The following GPHN variants were observed in gnomAD, a reference collection of about 807,000 sequenced individuals.
The protein encoded by GPHN is gephyrin.
In GPHN, 17 loss-of-function variants were observed where a neutral mutation model predicts 95.5. That is an observed-to-expected ratio of 0.18 (90% CI 0.12 to 0.27). GPHN has a LOEUF of 0.27. GPHN is among the 10% of genes least tolerant of loss of function. The pLI, the probability that GPHN is intolerant of heterozygous loss-of-function variation, is 1.00. For synonymous variants in GPHN, 320 were observed against 322.5 expected (o/e 0.99, Z 0.08); for missense variants, 660 against 978.1 (o/e 0.67, Z 4.34).
chr14:66,807,327 C>T (rs563747270), intron 3 of GPHN, among the ~76,000 whole-genome samples: 16 of 152,238 alleles, frequency 1.1e-4, no homozygotes, highest in African/African-American at 3.6e-4. Flanking sequence ...CCATATCATC[C>T]TCATAACAAA....
the GPHN span, among the ~76,000 whole-genome samples, chr14:67,420,066 A>C: frequency 6.6e-6 from 1 of 152,220 alleles, no homozygotes; most frequent in African/African-American, 2.4e-5. Flanking sequence ...AGGACCCTGG[A>C]AAATCCCTGA....
At chr14:67,662,444 G>A in the GPHN span, 2 of 1,594,010 alleles carry the variant, frequency 1.3e-6, no homozygotes, top group African/African-American at 1.3e-5. Flanking sequence ...CCAACACCAG[G>A]TAGAAGAAAC....
chr14:66,976,897 A>G (rs1214519490), intron 9 of GPHN, among the ~76,000 whole-genome samples: 1 of 128,964 alleles, frequency 7.8e-6, no homozygotes, highest in Non-Finnish European at 1.6e-5. Flanking sequence ...AAATAAATAC[A>G]TGCAGCACAG....
At chr14:67,029,817 C>T (rs2074103706) in intron 10 of GPHN, among the ~76,000 whole-genome samples, 1 of 152,144 alleles carries the variant, frequency 6.6e-6, no homozygotes, top group Non-Finnish European at 1.5e-5. Context: ...GCATTTAGGA[C>T]TATGATTAGG....
intron 2 of GPHN, among the ~76,000 whole-genome samples, chr14:66,705,399 T>C (rs2068982098): frequency 1.3e-5 from 2 of 152,116 alleles, no homozygotes; most frequent in Admixed American, 6.6e-5. Context: ...TGTTGAACAT[T>C]GATGCAAAAA....
the GPHN span, among the ~76,000 whole-genome samples, chr14:67,404,571 A>G: frequency 6.6e-6 from 1 of 152,172 alleles, no homozygotes; most frequent in Non-Finnish European, 1.5e-5. Context: ...GCACTTTGGG[A>G]TGCTAAGATG....
At chr14:66,898,974 A>G (rs867472919) in intron 5 of GPHN, among the ~76,000 whole-genome samples, 2 of 151,892 alleles carry the variant, frequency 1.3e-5, no homozygotes, top group Admixed American at 6.6e-5. Flanking sequence ...GTTTTCAGTT[A>G]TTGTAAATGG....
chr14:66,726,804 G>GA (rs1286124995), intron 2 of GPHN, among the ~76,000 whole-genome samples: 4 of 152,104 alleles, frequency 2.6e-5, no homozygotes, highest in African/African-American at 9.7e-5. Context: ...TGCCACAGGT[G>GA]AAAAATTGCA....
At chr14:67,525,076 T>C in the GPHN span, among the ~76,000 whole-genome samples, 296 of 152,328 alleles carry the variant, frequency 1.9e-3, 1 homozygote, top group Middle Eastern at 0.024. Context: ...TTTTAATAGC[T>C]TTATTAGAAA....
At chr14:67,674,366 C>T in the GPHN span, 1 of 1,585,364 alleles carries the variant, frequency 6.3e-7, no homozygotes, top group Non-Finnish European at 8.6e-7. Context: ...TGGCCCACCC[C>T]CGCCTCACCG....
At chr14:66,994,323 G>C (rs569657820) in intron 9 of GPHN, among the ~76,000 whole-genome samples, 1 of 151,942 alleles carries the variant, frequency 6.6e-6, no homozygotes. Context: ...CCGAGATCAC[G>C]CCATTGCACT....
At chr14:67,152,905 C>G (rs927465405) in intron 18 of GPHN, among the ~76,000 whole-genome samples, 1 of 151,620 alleles carries the variant, frequency 6.6e-6, no homozygotes, top group Non-Finnish European at 1.5e-5. Context: ...TCAGAGGTTG[C>G]ACTGAGCCAA....
chr14:67,199,605 C>A, the GPHN span: 3 of 1,591,224 alleles, frequency 1.9e-6, no homozygotes, highest in South Asian at 3.3e-5. Context: ...GAGAAGGACT[C>A]CAAGGGTGAG....
intron 1 of GPHN, among the ~76,000 whole-genome samples, chr14:66,671,364 TTTGGC>T (rs1378458433): frequency 6.6e-6 from 1 of 152,164 alleles, no homozygotes; most frequent in Non-Finnish European, 1.5e-5. Flanking sequence ...GTCAAAAATA[TTTGGC>T]TGGAAATGTA....
At chr14:67,363,970 A>G in the GPHN span, 3 of 152,294 alleles carry the variant, frequency 2.0e-5, no homozygotes, top group South Asian at 6.2e-4. Flanking sequence ...TCATAAAAGG[A>G]GTAGTGCTGA....
chr14:67,716,547 T>C, the GPHN span, among the ~76,000 whole-genome samples: 3 of 152,248 alleles, frequency 2.0e-5, no homozygotes, highest in African/African-American at 4.8e-5. Flanking sequence ...TGTACTTCCA[T>C]TGCATTTTAA....
chr14:67,365,373 T>C, the GPHN span, among the ~76,000 whole-genome samples: 3 of 152,242 alleles, frequency 2.0e-5, no homozygotes, highest in African/African-American at 4.8e-5. Flanking sequence ...GATTTAAAGC[T>C]AAAATAGTAA....
intron 12 of GPHN, among the ~76,000 whole-genome samples, chr14:67,091,277 GT>G (rs1233696674): frequency 2.0e-5 from 3 of 151,748 alleles, no homozygotes; most frequent in Non-Finnish European, 2.9e-5. Flanking sequence ...TGGCTCCTAT[GT>G]TTTTTTCTTT....
At chr14:67,531,282 A>C in the GPHN span, among the ~76,000 whole-genome samples, 2 of 152,108 alleles carry the variant, frequency 1.3e-5, no homozygotes, top group Admixed American at 6.5e-5. Flanking sequence ...TTATCTCTTA[A>C]AAGAAAACAA....
Sources: allele counts gnomAD v4.1 joint callset (sites outside exome capture counted in the v4.1 genomes callset), GRCh38; gene constraint gnomAD v4.1.1; transcripts MANE v1.5; gene names NCBI Gene and HGNC (gene_info 2026-07-23, HGNC 2026-07-21).